ANK2: variants seen among roughly 807,000 people sequenced by gnomAD.
The protein encoded by ANK2 is ankyrin-2.
A neutral mutation model predicts 360.5 loss-of-function variants in ANK2; 83 were observed. The observed-to-expected ratio is 0.23, with a 90% confidence interval of 0.19 to 0.28. The LOEUF is 0.28. ANK2 is among the 10% of genes least tolerant of loss of function. The pLI is 1.00. For missense variants in ANK2, 4,201 were observed against 4,795.7 expected (o/e 0.88, Z 3.66); for synonymous variants, 1,740 against 1,759.5 (o/e 0.99, Z 0.28).
intron 1 of ANK2, among the ~76,000 whole-genome samples, chr4:113,105,371 G>A (rs930262392): frequency 7.9e-5 from 12 of 152,102 alleles, no homozygotes; most frequent in African/African-American, 2.2e-4. Context: ...TGTGGACCAG[G>A]CAAGACCTTA....
chr4:112,850,356 T>TCCATCCATCCATCCACCCAC lies in ANK2; in HGVS notation c.-40+32095_-40+32096insTCCATCCATCCACCCACCCA, dbSNP rs1176494692. On this transcript the variant is annotated intron_variant, in intron 1 of 30. Coordinates refer to the ANK2 transcript ENST00000503271. ...GTCCATCCATCCATCCATCCATCCA[T>TCCATCCATCCATCCACCCAC]CCACCCATTCATCTCTCTGTCCATT... Among the ~76,000 whole-genome samples, 752 of 149,308 alleles carry TCCATCCATCCATCCACCCAC rather than the reference T, an allele frequency of 5.0e-3. 7 individuals carry two copies. The highest frequency in any genetic ancestry group is 0.018 in the African/African-American group (708 of 40,380).
chr4:112,826,983 C>A (rs1345470762), intron 1 of ANK2: 10 of 1,528,770 alleles, frequency 6.5e-6, no homozygotes, highest in African/African-American at 1.4e-5. Flanking sequence ...TGAACCATTT[C>A]TTTTTATTGG....
At chr4:113,173,530 C>G (rs895329493) in intron 1 of ANK2, among the ~76,000 whole-genome samples, 2 of 152,084 alleles carry the variant, frequency 1.3e-5, no homozygotes, top group Admixed American at 6.6e-5. Context: ...TGGAACCCAA[C>G]AAAAGTTTAT....
intron 2 of ANK2, among the ~76,000 whole-genome samples, chr4:112,928,795 T>C (rs1443616782): frequency 6.6e-6 from 1 of 152,010 alleles, no homozygotes; most frequent in Non-Finnish European, 1.5e-5. Flanking sequence ...CTTGAACTTT[T>C]AGCTCCCAGA....
chr4:112,823,853 C>T (rs1341480360), intron 1 of ANK2, among the ~76,000 whole-genome samples: 2 of 152,188 alleles, frequency 1.3e-5, no homozygotes, highest in African/African-American at 4.8e-5. Context: ...TTGTATATAC[C>T]ATCCCACATG....
the ANK2 span, among the ~76,000 whole-genome samples, chr4:112,811,857 C>T: frequency 6.6e-6 from 1 of 152,048 alleles, no homozygotes; most frequent in Non-Finnish European, 1.5e-5. Flanking sequence ...CGGGCGATCA[C>T]GAGGTCAGGA....
the ANK2 span, among the ~76,000 whole-genome samples, chr4:112,793,710 T>TC: frequency 6.7e-6 from 1 of 149,492 alleles, no homozygotes; most frequent in African/African-American, 2.4e-5. Context: ...TCTTTTCTTT[T>TC]TTTTTTTTTT....
the ANK2 span, among the ~76,000 whole-genome samples, chr4:112,806,162 T>C: frequency 6.6e-6 from 1 of 152,206 alleles, no homozygotes; most frequent in Admixed American, 6.5e-5. Flanking sequence ...TTATTCTCTC[T>C]AAATATATTT....
chr4:113,083,128 C>T (rs1385367115), intron 1 of ANK2, among the ~76,000 whole-genome samples: 1 of 151,842 alleles, frequency 6.6e-6, no homozygotes, highest in African/African-American at 2.4e-5. Flanking sequence ...TATATGTGCA[C>T]AATGTGCAGG....
chr4:112,921,052 C>CTTT (rs1197480851), intron 2 of ANK2, among the ~76,000 whole-genome samples: 84 of 135,122 alleles, frequency 6.2e-4, no homozygotes, highest in African/African-American at 2.1e-3. Flanking sequence ...TTCTTTTTCT[C>CTTT]TTTTTTTTTT....
intron 2 of ANK2, among the ~76,000 whole-genome samples, chr4:112,977,993 C>T (rs1186227678): frequency 6.6e-6 from 1 of 152,136 alleles, no homozygotes; most frequent in Non-Finnish European, 1.5e-5. Context: ...CCTGTAATCC[C>T]AGCACTTTGG....
At chr4:112,807,873 A>G in the ANK2 span, among the ~76,000 whole-genome samples, 1 of 152,260 alleles carries the variant, frequency 6.6e-6, no homozygotes, top group Admixed American at 6.5e-5. Context: ...TTAAATTTGC[A>G]GATGACTAAG....
intron 2 of ANK2, among the ~76,000 whole-genome samples, chr4:112,952,608 A>G (rs1264128088): frequency 6.6e-6 from 1 of 152,184 alleles, no homozygotes; most frequent in East Asian, 1.9e-4. Context: ...ACCATGATGT[A>G]ATCCTACTCT....
intron 1 of ANK2, among the ~76,000 whole-genome samples, chr4:113,141,007 C>T (rs958152381): frequency 2.6e-5 from 4 of 151,720 alleles, no homozygotes; most frequent in African/African-American, 9.7e-5. Context: ...TTAATCGAAA[C>T]ATTTGAAGGA....
intron 4 of ANK2, among the ~76,000 whole-genome samples, chr4:113,221,658 CAAA>C (rs60808406): frequency 7.8e-6 from 1 of 127,884 alleles, no homozygotes. Flanking sequence ...GACTCCACTT[CAAA>C]AAAAAAAAAA....
intron 2 of ANK2, among the ~76,000 whole-genome samples, chr4:112,967,642 G>A (rs1228318349): frequency 2.0e-5 from 3 of 152,130 alleles, no homozygotes; most frequent in South Asian, 2.1e-4. Context: ...AGTCAAAAGC[G>A]TTAAATGATT....
intron 1 of ANK2, among the ~76,000 whole-genome samples, chr4:112,871,545 A>T (rs60690506): frequency 0.028 from 4,286 of 152,200 alleles, 176 homozygotes; most frequent in African/African-American, 0.095. Flanking sequence ...AAATTGTGTT[A>T]TTTGCAAATA....
chr4:113,150,850 C>T (rs2097046657), intron 1 of ANK2, among the ~76,000 whole-genome samples: 1 of 152,170 alleles, frequency 6.6e-6, no homozygotes, highest in Non-Finnish European at 1.5e-5. Flanking sequence ...TCAAGAGATT[C>T]ATAAGTCAAG....
intron 3 of ANK2, among the ~76,000 whole-genome samples, chr4:113,197,140 T>G (rs900720327): frequency 3.9e-5 from 6 of 152,338 alleles, no homozygotes; most frequent in African/African-American, 1.4e-4. Context: ...ATTTTAAATG[T>G]ATACATTCAG....
Sources: allele counts gnomAD v4.1 joint callset (sites outside exome capture counted in the v4.1 genomes callset), GRCh38; gene constraint gnomAD v4.1.1; transcripts MANE v1.5; gene names NCBI Gene and HGNC (gene_info 2026-07-23, HGNC 2026-07-21).